The following GRXCR2 variants were observed in gnomAD, a reference collection of about 807,000 sequenced individuals.
The protein encoded by GRXCR2 is glutaredoxin and cysteine rich domain containing 2, also known as glutaredoxin domain-containing cysteine-rich protein 2.
Under a neutral mutation model 24.8 loss-of-function variants are expected in GRXCR2, and 23 were observed. The observed-to-expected ratio is 0.93, with a 90% CI of 0.67 to 1.32. GRXCR2 has a LOEUF of 1.32. Ranked by LOEUF, GRXCR2 falls within the 40% of genes most tolerant of loss-of-function variation. The pLI is 0.00. For synonymous variants in GRXCR2, 130 were observed against 116.1 expected (o/e 1.12, Z -0.77); for missense variants, 315 against 303.4 (o/e 1.04, Z -0.28).
At chr5:145,865,636 C>A (rs1413165162) in intron 2 of GRXCR2, among the ~76,000 whole-genome samples, 1 of 152,202 alleles carries the variant, frequency 6.6e-6, no homozygotes, top group Non-Finnish European at 1.5e-5. Context: ...ATGTTGCTGA[C>A]AGTAGCGTCC....
intron 2 of GRXCR2, among the ~76,000 whole-genome samples, chr5:145,906,461 G>C (rs1031629139): frequency 6.6e-6 from 1 of 152,192 alleles, no homozygotes; most frequent in African/African-American, 2.4e-5. Flanking sequence ...AAGCTAACAG[G>C]AAAGAAATTA....
At chr5:145,870,275 T>G (rs531272539) in intron 1 of GRXCR2, among the ~76,000 whole-genome samples, 1 of 152,188 alleles carries the variant, frequency 6.6e-6, no homozygotes, top group African/African-American at 2.4e-5. Flanking sequence ...CCATTCTACT[T>G]GCTGTCTGTA....
chr5:145,906,751 G>A (rs1757094124), intron 2 of GRXCR2, among the ~76,000 whole-genome samples: 1 of 152,208 alleles, frequency 6.6e-6, no homozygotes, highest in African/African-American at 2.4e-5. Flanking sequence ...ACTGGAAATA[G>A]AGTGCAAAAA....
chr5:145,860,939 T>C lies in GRXCR2; in HGVS notation c.565-1024A>G, dbSNP rs117067017. On this transcript the variant is annotated intron_variant, in intron 2 of 2. Coordinates refer to ENST00000377976, the MANE Select transcript of GRXCR2 (RefSeq NM_001080516.2). The stretch of plus-strand genomic sequence containing the variant: ...TTCTTGACTCCCACTCTTCAGAAAA[T>C]GTTCCTTGGCTATTGTCTTGCTCTC... Among the ~76,000 whole-genome samples, 8 of 152,188 alleles carry C rather than the reference T, an allele frequency of 5.3e-5. No homozygotes were observed. The East Asian group carries it at 1.5e-3, about 29-fold the overall frequency.
intron 2 of GRXCR2, among the ~76,000 whole-genome samples, chr5:145,891,968 T>C (rs180985648): frequency 0.014 from 2,169 of 152,268 alleles, 55 homozygotes; most frequent in African/African-American, 0.05. Context: ...CAACATTTGC[T>C]GTTCACCAAT....
In GRXCR2 at chr5:145,912,611, G is replaced by A. The variant is rs544563493; in HGVS notation, c.-70+23090C>T. Among the ~76,000 whole-genome samples the A allele has an allele frequency of 2.6e-5, 4 of 152,268 alleles. No homozygotes were observed. In the East Asian group the frequency reaches 7.7e-4, roughly 29 times the overall value. ...TTGAAGAACACAAAACAAAGCGAAG[G>A]AGAGTGACAGACAGAGCAGGAGAGC... is the stretch of plus-strand genomic sequence containing the variant. On this transcript the variant is annotated intron_variant, in intron 2 of 3. Transcript: ENST00000639411.
intron 2 of GRXCR2, among the ~76,000 whole-genome samples, chr5:145,861,180 G>C (rs976491302): frequency 1.3e-5 from 2 of 152,148 alleles, no homozygotes; most frequent in African/African-American, 4.8e-5. Flanking sequence ...CATGAACTGA[G>C]TGTGGACCCA....
intron 2 of GRXCR2, among the ~76,000 whole-genome samples, chr5:145,891,960 A>G (rs1402032250): frequency 1.3e-5 from 2 of 152,128 alleles, no homozygotes; most frequent in African/African-American, 2.4e-5. Context: ...TCAGGCAGCA[A>G]CATTTGCTGT....
rs1756823339 is a variant in GRXCR2 at position 145,889,182 on chromosome 5, AAGAAAGAAAG to A, written c.-69-22464_-69-22455del. On this transcript the variant is annotated intron_variant, in intron 2 of 3. Transcript: ENST00000639411. ...AGACTCTGTCTCAAAAAAAGAAAGA[AAGAAAGAAAG>A]AAAGAAAGAAAGAAAGAAAGAAAGA... 5.1e-5 allele frequency among the ~76,000 whole-genome samples: 6 copies of A among 118,630 alleles called. 1 individual carries two copies. The highest frequency in any genetic ancestry group is 4.0e-3 in the Middle Eastern group (1 of 250). 77.8% of individuals were successfully genotyped at this position (118,630 alleles called of 152,430 possible).
intron 2 of GRXCR2, among the ~76,000 whole-genome samples, chr5:145,910,473 ATATAAT>A (rs1242488530): frequency 6.6e-6 from 1 of 152,160 alleles, no homozygotes; most frequent in Non-Finnish European, 1.5e-5. Flanking sequence ...ATTAATAGTA[ATATAAT>A]TATATACCAA....
At chr5:145,864,640 C>A (rs1756397911) in intron 2 of GRXCR2, among the ~76,000 whole-genome samples, 1 of 152,126 alleles carries the variant, frequency 6.6e-6, no homozygotes, top group Admixed American at 6.6e-5. Context: ...CTCTTTCTCT[C>A]CCCTGCTGCC....
At chr5:145,902,062 G>A (rs1757033119) in intron 2 of GRXCR2, among the ~76,000 whole-genome samples, 1 of 152,116 alleles carries the variant, frequency 6.6e-6, no homozygotes, top group African/African-American at 2.4e-5. Flanking sequence ...GCACTGTGCT[G>A]CATTACTGAG....
chr5:145,859,850 C>A lies in GRXCR2; in HGVS notation c.630G>T (p.Leu210=). 1 of 1,613,212 alleles carries A rather than the reference C, an allele frequency of 6.2e-7. No homozygotes were observed. Among genetic ancestry groups the A allele is most frequent in the South Asian group, 1.1e-5 (1 of 90,988 alleles). The stretch of plus-strand genomic sequence containing the variant: ...GCATCGAGAACTTGCTGCCGTGGCA[C>A]AGAGAGCAGGTGGCACTGCCCGACC... ...CRGSGSATCS[L]CHGSKFSMLA... is the part of the protein sequence containing the mutation. The change falls in exon 3 of 3, where the codon CTG becomes CTT. Residue 210 remains leucine, a synonymous_variant. Transcript: ENST00000377976.
At chr5:145,881,781 TGCAGTAACCAAAACA>T (rs1462978320) in intron 2 of GRXCR2, among the ~76,000 whole-genome samples, 1 of 152,190 alleles carries the variant, frequency 6.6e-6, no homozygotes, top group East Asian at 1.9e-4. Flanking sequence ...ACTACAAGGC[TGCAGTAACCAAAACA>T]GCATGGTACT....
At chr5:145,877,277 A>T (rs931342342), upstream of GRXCR2, among the ~76,000 whole-genome samples, 2 of 152,142 alleles carry the variant, frequency 1.3e-5, no homozygotes, top group South Asian at 2.1e-4. Context: ...GTTAACAAAA[A>T]AAAGGAGAGG....
chr5:145,870,398 A>G (rs1008410454), intron 1 of GRXCR2, among the ~76,000 whole-genome samples: 4 of 152,120 alleles, frequency 2.6e-5, no homozygotes, highest in African/African-American at 9.7e-5. Context: ...CACATTGTGC[A>G]TGTGTCAAAA....
Position 145,910,104 on chromosome 5 carries a change from T to C in GRXCR2, c.-70+25597A>G, listed in dbSNP as rs563808433. Among the ~76,000 whole-genome samples, 5 of 152,320 alleles carry C rather than the reference T, an allele frequency of 3.3e-5. No individual in the cohort carries two copies. The East Asian group carries it at 9.6e-4, about 29-fold the overall frequency. On this transcript the variant is annotated intron_variant, in intron 2 of 3. Transcript: ENST00000639411. ...AGTTCATTTTGTTCCCACGCTATTG[T>C]ACCTGCAAGTGGAGTCTCTGTCACG...
At chr5:145,918,071 C>T (rs564666183) in intron 2 of GRXCR2, among the ~76,000 whole-genome samples, 25 of 152,306 alleles carry the variant, frequency 1.6e-4, no homozygotes, top group Middle Eastern at 3.4e-3. Context: ...AGCCACTGTG[C>T]TCGGCCGGCT....
intron 2 of GRXCR2, among the ~76,000 whole-genome samples, chr5:145,899,547 A>T (rs1756997287): frequency 6.6e-6 from 1 of 152,036 alleles, no homozygotes. Context: ...TATGGTACTG[A>T]TACAAAAACA....
Sources: allele counts gnomAD v4.1 joint callset (sites outside exome capture counted in the v4.1 genomes callset), GRCh38; gene constraint gnomAD v4.1.1; transcripts MANE v1.5; gene names NCBI Gene and HGNC (gene_info 2026-07-23, HGNC 2026-07-21).